The following PPARGC1A variants were observed in gnomAD, a reference collection of about 807,000 sequenced individuals.
PPARGC1A encodes the protein peroxisome proliferator-activated receptor gamma coactivator 1-alpha.
In PPARGC1A, 25 loss-of-function variants were observed where a neutral mutation model predicts 88.7. The ratio of observed to expected loss-of-function variants is 0.28; its 90% CI spans 0.21 to 0.39. PPARGC1A has a LOEUF of 0.39. Ranked by LOEUF, PPARGC1A falls within the 10% of genes least tolerant of loss-of-function variation. The pLI, the probability that PPARGC1A is intolerant of heterozygous loss-of-function variation, is 1.00. For missense variants in PPARGC1A, 880 were observed against 968.7 expected (o/e 0.91, Z 1.22); for synonymous variants, 363 against 355.6 (o/e 1.02, Z -0.24).
At chr4:23,904,271 C>G (rs1719772196), upstream of PPARGC1A, among the ~76,000 whole-genome samples, 1 of 152,188 alleles carries the variant, frequency 6.6e-6, no homozygotes, top group Non-Finnish European at 1.5e-5. Flanking sequence ...CCCTGTGTCT[C>G]GAGGGAGCTC....
At chr4:24,080,296 T>A in the PPARGC1A span, among the ~76,000 whole-genome samples, 2 of 152,068 alleles carry the variant, frequency 1.3e-5, no homozygotes, top group African/African-American at 2.4e-5. Flanking sequence ...GGATATTTTA[T>A]GTGTTGGTAC....
the PPARGC1A span, among the ~76,000 whole-genome samples, chr4:23,925,001 T>C: frequency 1.3e-5 from 2 of 152,244 alleles, no homozygotes; most frequent in African/African-American, 4.8e-5. Flanking sequence ...TATGAACTAC[T>C]GTAACAATTA....
At chr4:24,296,139 TACAC>T in the PPARGC1A span, among the ~76,000 whole-genome samples, 270 of 150,864 alleles carry the variant, frequency 1.8e-3, 3 homozygotes, top group East Asian at 0.019. Flanking sequence ...TGTATATAGA[TACAC>T]ACACACGATA....
chr4:24,235,618 C>T, the PPARGC1A span, among the ~76,000 whole-genome samples: 1 of 152,242 alleles, frequency 6.6e-6, no homozygotes, highest in Non-Finnish European at 1.5e-5. Flanking sequence ...AAATTTTGGA[C>T]CAGAGCCACC....
the PPARGC1A span, among the ~76,000 whole-genome samples, chr4:24,108,854 G>C: frequency 1.3e-5 from 2 of 151,440 alleles, no homozygotes; most frequent in Admixed American, 6.6e-5. Context: ...CTAAACTTAG[G>C]GGAAAAAAAA....
At chr4:23,977,116 G>C in the PPARGC1A span, among the ~76,000 whole-genome samples, 1 of 152,164 alleles carries the variant, frequency 6.6e-6, no homozygotes, top group Non-Finnish European at 1.5e-5. Context: ...TGGAGAGGCA[G>C]AGGAAGAGGA....
the PPARGC1A span, among the ~76,000 whole-genome samples, chr4:24,094,171 T>C: frequency 6.6e-6 from 1 of 152,140 alleles, no homozygotes; most frequent in Non-Finnish European, 1.5e-5. Context: ...GAGCCTGTTC[T>C]CAAGGAGAAC....
At chr4:24,217,700 G>A in the PPARGC1A span, among the ~76,000 whole-genome samples, 2 of 152,326 alleles carry the variant, frequency 1.3e-5, no homozygotes, top group East Asian at 1.9e-4. Context: ...CTACCCAGGA[G>A]GCTGAGGCAG....
chr4:24,225,785 C>T, the PPARGC1A span, among the ~76,000 whole-genome samples: 1 of 151,934 alleles, frequency 6.6e-6, no homozygotes, highest in Non-Finnish European at 1.5e-5. Flanking sequence ...AAGAGTCACC[C>T]TTGGGAACAT....
chr4:24,213,433 G>T, the PPARGC1A span, among the ~76,000 whole-genome samples: 13 of 152,096 alleles, frequency 8.5e-5, 1 homozygote, highest in South Asian at 1.0e-3. Flanking sequence ...CCCAAAGTGC[G>T]GGGATTACAG....
the PPARGC1A span, among the ~76,000 whole-genome samples, chr4:24,335,084 C>G: frequency 1.3e-5 from 2 of 152,114 alleles, no homozygotes; most frequent in East Asian, 3.9e-4. Flanking sequence ...CTATCGCATT[C>G]GGAGGAAATA....
At chr4:23,825,772 G>T (rs1034967066) in intron 5 of PPARGC1A, among the ~76,000 whole-genome samples, 3 of 152,114 alleles carry the variant, frequency 2.0e-5, no homozygotes, top group African/African-American at 7.2e-5. Context: ...CATACATCCA[G>T]AAATATGAAG....
chr4:24,308,637 G>A, the PPARGC1A span, among the ~76,000 whole-genome samples: 1 of 152,150 alleles, frequency 6.6e-6, no homozygotes, highest in Non-Finnish European at 1.5e-5. Flanking sequence ...TCTTCCAGAG[G>A]TGTCTCATGG....
chr4:23,929,643 A>T, the PPARGC1A span, among the ~76,000 whole-genome samples: 1 of 152,164 alleles, frequency 6.6e-6, no homozygotes, highest in East Asian at 1.9e-4. Flanking sequence ...CCCATTATGG[A>T]GAGTGGGGAA....
chr4:24,355,687 G>T, the PPARGC1A span, among the ~76,000 whole-genome samples: 1 of 152,016 alleles, frequency 6.6e-6, no homozygotes, highest in African/African-American at 2.4e-5. Context: ...TGAGATTATT[G>T]GCTGGAAAAG....
At chr4:24,283,462 GA>G in the PPARGC1A span, among the ~76,000 whole-genome samples, 7 of 152,306 alleles carry the variant, frequency 4.6e-5, no homozygotes, top group South Asian at 4.1e-4. Context: ...ACAAACGAAG[GA>G]AACGGCTTCA....
At chr4:23,892,915 C>T (rs988776169), upstream of PPARGC1A, among the ~76,000 whole-genome samples, 1 of 152,154 alleles carries the variant, frequency 6.6e-6, no homozygotes, top group African/African-American at 2.4e-5. Context: ...CACCCAGATT[C>T]CTCTTCTACT....
At chr4:24,228,983 A>AC in the PPARGC1A span, among the ~76,000 whole-genome samples, 1 of 151,974 alleles carries the variant, frequency 6.6e-6, no homozygotes, top group Non-Finnish European at 1.5e-5. Flanking sequence ...TCTTTTACAA[A>AC]CACCCCAAGT....
At chr4:24,248,376 C>G in the PPARGC1A span, among the ~76,000 whole-genome samples, 216 of 152,124 alleles carry the variant, frequency 1.4e-3, 1 homozygote, top group African/African-American at 5.1e-3. Context: ...CTGCCCACCT[C>G]GGACTCCCAA....
Sources: allele counts gnomAD v4.1 joint callset (sites outside exome capture counted in the v4.1 genomes callset), GRCh38; gene constraint gnomAD v4.1.1; transcripts MANE v1.5; gene names NCBI Gene and HGNC (gene_info 2026-07-23, HGNC 2026-07-21).